Variants in ENPP2 observed in about 807,000 individuals in gnomAD.
ENPP2 encodes autotaxin.
A neutral mutation model predicts 120.2 loss-of-function variants in ENPP2; 51 were observed. The observed-to-expected ratio is 0.42, with a 90% CI of 0.34 to 0.54. ENPP2 has a LOEUF of 0.54. Ranked by LOEUF, ENPP2 falls within the 20% of genes least tolerant of loss-of-function variation. The pLI is 0.04. For missense variants in ENPP2, 920 were observed against 1,066.5 expected (o/e 0.86, Z 1.91); for synonymous variants, 365 against 366.4 (o/e 1.00, Z 0.04).
exon 1 of ENPP2, chr8:119,673,271 A>C: frequency 6.5e-7 from 1 of 1,535,336 alleles, no homozygotes; most frequent in South Asian, 1.2e-5. Context: ...GTGGCGGGTC[A>C]TGCTGCGGGA....
intron 8 of ENPP2, among the ~76,000 whole-genome samples, chr8:119,608,972 C>A (rs975733532): frequency 6.6e-6 from 1 of 152,038 alleles, no homozygotes; most frequent in Admixed American, 6.6e-5. Flanking sequence ...GAGAAGAAAC[C>A]CCCTCACTTA....
rs371624353 is a variant in ENPP2 at position 119,588,507 on chromosome 8, C to T, written c.1208-1432G>A. Among the ~76,000 whole-genome samples, 187 of 121,490 alleles carry T rather than the reference C, an allele frequency of 1.5e-3. 2 individuals are homozygous for T. In the South Asian group the frequency reaches 0.044, roughly 29 times the overall value. 79.7% of individuals were successfully genotyped at this position (121,490 alleles called of 152,430 possible). A position where few individuals can be genotyped will look rare whatever the true frequency, so the allele number is the denominator to read the frequency against. ...TGGAGCCACTGCACTCCAGCCTGGGCGACAGAACAAAACTCCGCCTCAAAA... is the reference window on the plus strand; with the variant it reads ...TGGAGCCACTGCACTCCAGCCTGGGTGACAGAACAAAACTCCGCCTCAAAA... On this transcript the variant is annotated intron_variant, in intron 13 of 24. Coordinates refer to ENST00000075322, the MANE Select transcript of ENPP2 (RefSeq NM_001040092.3).
Position 119,638,504 on chromosome 8 carries a change from G to A in ENPP2, c.57C>T (p.Ala19=), listed in dbSNP as rs759476561. ...SCQIISLFTF[A]VGVNICLGFT... The stretch of plus-strand genomic sequence containing the variant: ...ATCCTAAGCAGATATTGACTCCAAC[G>A]GCAAAAGTGAACAGGGATATTATCT... The change falls in exon 2 of 25, where the codon GCC becomes GCT. Residue 19 remains alanine (A), a synonymous_variant. Transcript: ENST00000075322. 18 of 1,602,516 alleles carry A rather than the reference G, an allele frequency of 1.1e-5. No homozygotes were observed. In the East Asian group the frequency reaches 2.7e-4, roughly 24 times the overall value.
rs765487421 is a variant in ENPP2, at chr8:119,600,683, G to A, written c.967C>T (p.Pro323Ser). Residue 323 changes from proline (P) to serine (S), a missense_variant, in exon 11 of 25, where the codon CCT (proline) becomes TCT (serine). Physicochemically the swap from Pro to Ser is moderately conservative, Grantham distance 74. Coordinates refer to ENST00000075322, the MANE Select transcript of ENPP2 (RefSeq NM_001040092.3). ...FSGHKYGPFG[P>S]EMTNPLREID... ...GCAGATGCTAAACCACTAACCTCAG[G>A]GCCGAAAGGGCCATATTTGTGTCCA... is the stretch of plus-strand genomic sequence containing the variant. 5.0e-6 allele frequency: 8 copies of A among 1,606,892 alleles called. No individual in the cohort carries two copies. The South Asian group carries it at 6.6e-5, about 13-fold the overall frequency.
chr8:119,654,308 A>C (rs994895318), intron 1 of ENPP2, among the ~76,000 whole-genome samples: 2 of 142,174 alleles, frequency 1.4e-5, no homozygotes, highest in Non-Finnish European at 3.0e-5. Context: ...ATCTATATAT[A>C]ATACTTAATA....
At chr8:119,595,405 C>T (rs557631460) in intron 11 of ENPP2, among the ~76,000 whole-genome samples, 1 of 152,254 alleles carries the variant, frequency 6.6e-6, no homozygotes, top group South Asian at 2.1e-4. Flanking sequence ...TCTCTATAAC[C>T]TACACCTTTT....
chr8:119,670,712 C>G (rs980961896), intron 1 of ENPP2, among the ~76,000 whole-genome samples: 1 of 152,128 alleles, frequency 6.6e-6, no homozygotes, highest in Non-Finnish European at 1.5e-5. Context: ...AGGTTAGACA[C>G]AGACCTCACA....
chr8:119,600,585 C>A, intron 11 of ENPP2, 93 bp downstream of exon 11: 1 of 790,254 alleles, frequency 1.3e-6, no homozygotes, highest in Non-Finnish European at 2.1e-6. Flanking sequence ...ATACAAACAT[C>A]CATCCAGACT....
In ENPP2 at chr8:119,600,040, T is replaced by C. The variant is rs569647574; in HGVS notation, c.972+638A>G. On this transcript the variant is annotated intron_variant, in intron 11 of 24. Coordinates refer to ENST00000075322, the MANE Select transcript of ENPP2 (RefSeq NM_001040092.3). ...AAAAAAAAAAAAAGTCAGCCTGCTCTGCTAAGCAGATTCATTCAGTGGTAT... is the reference window on the plus strand; with the variant it reads ...AAAAAAAAAAAAAGTCAGCCTGCTCCGCTAAGCAGATTCATTCAGTGGTAT... Among the ~76,000 whole-genome samples the C allele has an allele frequency of 3.3e-5, 5 of 151,656 alleles. No individual in the cohort carries two copies. In the South Asian group the frequency reaches 1.0e-3, roughly 32 times the overall value.
At chr8:119,606,490 T>C (rs1482782323) in intron 9 of ENPP2, among the ~76,000 whole-genome samples, 1 of 151,984 alleles carries the variant, frequency 6.6e-6, no homozygotes, top group East Asian at 1.9e-4. Flanking sequence ...TCTATGACAG[T>C]CAAGAGTTAA....
intron 4 of ENPP2, 107 bp from the exon 5 acceptor site, chr8:119,619,411 A>T: frequency 1.7e-6 from 1 of 601,730 alleles, no homozygotes; most frequent in Non-Finnish European, 2.6e-6. Flanking sequence ...TCTTTATGGG[A>T]TATAACAAAA....
intron 3 of ENPP2, 49 bp downstream of exon 3, chr8:119,626,516 G>A: frequency 6.5e-7 from 1 of 1,534,396 alleles, no homozygotes. Flanking sequence ...ATAGCAGGCA[G>A]TCTTTAAGCC....
chr8:119,617,374 T>G (rs1815530807), intron 6 of ENPP2, 92 bp downstream of exon 6: 1 of 1,118,856 alleles, frequency 8.9e-7, no homozygotes, highest in Non-Finnish European at 1.3e-6. Context: ...CATTTAAAAC[T>G]ACGTGCCCAT....
At chr8:119,602,911 C>T (rs960677456) in intron 9 of ENPP2, among the ~76,000 whole-genome samples, 1 of 152,126 alleles carries the variant, frequency 6.6e-6, no homozygotes, top group African/African-American at 2.4e-5. Context: ...AATCCTCAAG[C>T]CGGGGCTCTC....
At chr8:119,576,478 A>G (rs999733181) in intron 19 of ENPP2, among the ~76,000 whole-genome samples, 3 of 152,152 alleles carry the variant, frequency 2.0e-5, no homozygotes, top group African/African-American at 7.2e-5. Context: ...CTAACTTCTC[A>G]TTGTGTATGA....
intron 2 of ENPP2, among the ~76,000 whole-genome samples, chr8:119,628,029 T>A (rs1011562419): frequency 6.6e-6 from 1 of 151,032 alleles, no homozygotes; most frequent in African/African-American, 2.4e-5. Flanking sequence ...CTTGAAAAAA[T>A]TTTAAACACT....
At chr8:119,606,339 G>A (rs908627802) in intron 9 of ENPP2, among the ~76,000 whole-genome samples, 3 of 152,146 alleles carry the variant, frequency 2.0e-5, no homozygotes, top group Non-Finnish European at 4.4e-5. Context: ...TTCAAAACCA[G>A]AACACTGGGC....
At chr8:119,566,877 A>T (rs574751876) in intron 22 of ENPP2, among the ~76,000 whole-genome samples, 1 of 152,368 alleles carries the variant, frequency 6.6e-6, no homozygotes, top group South Asian at 2.1e-4. Flanking sequence ...AAACCAAGAA[A>T]TCTTTTTAAA....
At chr8:119,602,328 A>G (rs1814372110) in intron 9 of ENPP2, among the ~76,000 whole-genome samples, 1 of 152,048 alleles carries the variant, frequency 6.6e-6, no homozygotes, top group Non-Finnish European at 1.5e-5. Flanking sequence ...ATGGTGGCAC[A>G]TGCCTGTAAT....
Sources: allele counts gnomAD v4.1 joint callset (sites outside exome capture counted in the v4.1 genomes callset), GRCh38; gene constraint gnomAD v4.1.1; transcripts MANE v1.5; gene names NCBI Gene and HGNC (gene_info 2026-07-23, HGNC 2026-07-21).